The following SIRT3 variants were observed in gnomAD, a reference collection of about 807,000 sequenced individuals.
The protein encoded by SIRT3 is sirtuin 3.
In SIRT3, 26 loss-of-function variants were observed where a neutral mutation model predicts 33.5. That is an observed-to-expected ratio of 0.78 (90% CI 0.57 to 1.08). The LOEUF (loss-of-function observed/expected upper bound fraction) is 1.08, where lower values mean the gene tolerates loss of function less well. SIRT3 is among the 50% of genes least tolerant of loss of function. The probability of loss-of-function intolerance (pLI) is 0.00; values close to 1 mark genes in which losing one functional copy is unlikely to be tolerated. For missense variants in SIRT3, 585 were observed against 530.1 expected (o/e 1.10, Z -1.02); for synonymous variants, 237 against 222.1 (o/e 1.07, Z -0.60).
intron 5 of SIRT3, among the ~76,000 whole-genome samples, chr11:221,973 A>T (rs1200569941): frequency 6.6e-6 from 1 of 152,032 alleles, no homozygotes; most frequent in Non-Finnish European, 1.5e-5. Flanking sequence ...TTTGCTTTAT[A>T]TCTTTATATA....
chr11:232,237 C>A (rs1028579626), intron 3 of SIRT3, among the ~76,000 whole-genome samples: 1 of 152,114 alleles, frequency 6.6e-6, no homozygotes, highest in Admixed American at 6.5e-5. Flanking sequence ...CCTGTCTCAG[C>A]CTCCCGAGTA....
At chr11:229,674 G>A (rs1021651968) in intron 4 of SIRT3, among the ~76,000 whole-genome samples, 4 of 151,856 alleles carry the variant, frequency 2.6e-5, no homozygotes, top group African/African-American at 9.7e-5. Flanking sequence ...CAGGAGAATC[G>A]CTTGAACCCG....
chr11:234,839 C>A (rs73394716), intron 1 of SIRT3, among the ~76,000 whole-genome samples: 9,517 of 152,174 alleles, frequency 0.063, 971 homozygotes, highest in African/African-American at 0.22. Flanking sequence ...AGAATAAGAG[C>A]TCAGTCAGGG....
Position 215,297 on chromosome 11 carries a change from C to T in SIRT3, c.*1401G>A, listed in dbSNP as rs1348243412. Among the ~76,000 whole-genome samples, 1 of 152,106 alleles carries T rather than the reference C, an allele frequency of 6.6e-6. No individual in the cohort carries two copies. Among genetic ancestry groups the T allele is most frequent in the East Asian group, 1.9e-4 (1 of 5,184 alleles). On this transcript the variant is annotated 3_prime_UTR_variant, in exon 7 of 7. Coordinates refer to ENST00000382743, the MANE Select transcript of SIRT3 (RefSeq NM_012239.6). ...ATGTGCTAGGTGTGGTGGGACACAC[C>T]TGTAATCCCAGCTACCCAGGAGAAT...
At chr11:219,864 C>T (rs1216658309) in intron 5 of SIRT3, among the ~76,000 whole-genome samples, 18 of 151,882 alleles carry the variant, frequency 1.2e-4, no homozygotes, top group Admixed American at 1.0e-3. Context: ...ACTATTATCT[C>T]GGTATCTACA....
intron 4 of SIRT3, chr11:226,153 CATCTT>C (rs1857144211): frequency 6.6e-6 from 1 of 152,216 alleles, no homozygotes. Context: ...CCATTAATCT[CATCTT>C]GTCTTTAATC....
rs566216638 is a variant in SIRT3 at position 233,450 on chromosome 11, C to T, written c.366G>A (p.Lys122=). 5.0e-6 allele frequency: 8 copies of T among 1,614,014 alleles called. No individual in the cohort carries two copies. The highest frequency in any genetic ancestry group is 6.8e-6 in the Non-Finnish European group (8 of 1,180,036). The change falls in exon 2 of 7, where the codon AAG becomes AAA. Residue 122 remains lysine (K), a synonymous_variant. Transcript: ENST00000382743. The part of the protein sequence containing the change: ...VGSGGSSDKG[K]LSLQDVAELI... ...GCTCAGCTACATCCTGCAGGGAAAG[C>T]TTCCCCTTGTCACTGCTGCCTCCAC... is the stretch of plus-strand genomic sequence containing the variant.
chr11:221,142 G>A (rs969804975), intron 5 of SIRT3, among the ~76,000 whole-genome samples: 2 of 152,162 alleles, frequency 1.3e-5, no homozygotes, highest in Admixed American at 1.3e-4. Context: ...ACTACAGCAC[G>A]GGATCTCATT....
rs1855669261 is a variant in SIRT3 at position 216,550 on chromosome 11, A to G, written c.*148T>C. On this transcript the variant is annotated 3_prime_UTR_variant, in exon 7 of 7. Transcript: ENST00000382743. ...AGTCACTGCAGCTCATGGCCTGAGAAGACATTCCAGTGGCAGCCTCGGGTG... is the reference window on the plus strand; with the variant it reads ...AGTCACTGCAGCTCATGGCCTGAGAGGACATTCCAGTGGCAGCCTCGGGTG... 1 of 835,934 alleles carries G rather than the reference A, an allele frequency of 1.2e-6. No homozygotes were observed. The allele number at this position is 835,934 out of a possible 1,614,324, so 51.8% of individuals were successfully genotyped here. A position where few individuals can be genotyped will look rare whatever the true frequency, so the allele number is the denominator to read the frequency against.
chr11:233,284 G>T, intron 2 of SIRT3, 59 bp downstream of exon 2: 1 of 1,600,132 alleles, frequency 6.2e-7, no homozygotes, highest in South Asian at 1.1e-5. Flanking sequence ...ACTGGGCAGT[G>T]GGGAGGGCAG....
At position 236,176 on chromosome 11, in the gene SIRT3, T is replaced by A; in HGVS notation, c.153A>T (p.Arg51Ser). 1 of 1,564,518 alleles carries A rather than the reference T, an allele frequency of 6.4e-7. No homozygotes were observed. The highest frequency in any genetic ancestry group is 1.2e-5 in the South Asian group (1 of 85,476). ...GCTCACCGCGGGCCCCATGGCTGCC[T>A]CTCAGCCCCGCACTCACATCGTCCC... ...GGRDDVSAGL[R>S]GSHGARGEPL... The change falls in exon 1 of 7, where the codon AGA (arginine) becomes AGT (serine). Residue 51 changes from arginine (R) to serine (S), a missense_variant. Transcript: ENST00000382743.
At position 236,225 on chromosome 11, in the gene SIRT3, C is replaced by A; in HGVS notation, c.104G>T (p.Gly35Val). The stretch of plus-strand genomic sequence containing the variant: ...CCTGCCGCCAAGCACCAGCCGACAG[C>A]CGCAGGCCTGAAACGGCCCCACGCC... ...GGGVGPFQAC[G>V]CRLVLGGRDD... The change falls in exon 1 of 7, where the codon GGC (glycine) becomes GTC (valine). Residue 35 changes from glycine to valine, a missense_variant. Physicochemically the swap from Gly to Val is moderately radical, Grantham distance 109 (BLOSUM62 -3). Coordinates refer to ENST00000382743, the MANE Select transcript of SIRT3 (RefSeq NM_012239.6). 6.4e-7 allele frequency: 1 copy of A among 1,558,712 alleles called. No individual in the cohort carries two copies. The highest frequency in any genetic ancestry group is 8.7e-7 in the Non-Finnish European group (1 of 1,155,532).
At chr11:219,098 T>G (rs919618911) in intron 5 of SIRT3, 57 bp from the exon 6 acceptor site, 4 of 1,533,236 alleles carry the variant, frequency 2.6e-6, no homozygotes, top group Non-Finnish European at 3.5e-6. Flanking sequence ...CTCCTCAGGA[T>G]GTTTCATGCC....
rs371704582 is a variant in SIRT3 at position 218,944 on chromosome 11, C to A, written c.1067G>T (p.Arg356Leu). ...CCCCAGCTGGGCCACGTCCCTGCTG[C>A]GAGGATGCCAAGCCAAGGGCCCCAC... ...DLVGPLAWHP[R>L]SRDVAQLGDV... The change falls in exon 6 of 7, where the codon CGC becomes CTC. Residue 356 changes from arginine to leucine, a missense_variant. Physicochemically the swap from Arg to Leu is moderately radical, Grantham distance 102. Transcript: ENST00000382743. 6 of 1,614,018 alleles carry A rather than the reference C, an allele frequency of 3.7e-6. No homozygotes were observed. The highest frequency in any genetic ancestry group is 1.3e-5 in the African/African-American group (1 of 74,888).
At chr11:234,207 G>A (rs974116026) in intron 1 of SIRT3, among the ~76,000 whole-genome samples, 2 of 152,206 alleles carry the variant, frequency 1.3e-5, no homozygotes, top group African/African-American at 4.8e-5. Flanking sequence ...ATGCTGCATG[G>A]TGTGAAATTC....
chr11:229,396 G>T (rs988829958), intron 4 of SIRT3, among the ~76,000 whole-genome samples: 1 of 151,682 alleles, frequency 6.6e-6, no homozygotes, highest in African/African-American at 2.4e-5. Flanking sequence ...AGTGAGCCGA[G>T]ATTGCGCCAC....
rs202005679 is a variant in SIRT3, at chr11:215,520, A to G, written c.*1178T>C. ...TGTTCTTATTAAGGCGCAAAGTCAC[A>G]GGACCCCCTTCCTGGGAGTCACTGT... On this transcript the variant is annotated 3_prime_UTR_variant, in exon 7 of 7. Coordinates refer to ENST00000382743, the MANE Select transcript of SIRT3 (RefSeq NM_012239.6). The G allele has an allele frequency of 2.0e-5, 3 of 152,234 alleles. No individual in the cohort carries two copies. The highest frequency in any genetic ancestry group is 1.5e-5 in the Non-Finnish European group (1 of 68,042). 9.4% of individuals were successfully genotyped at this position (152,234 alleles called of 1,614,324 possible). A position where few individuals can be genotyped will look rare whatever the true frequency, so the allele number is the denominator to read the frequency against.
chr11:216,690 CCAT>C lies in SIRT3; in HGVS notation c.*5_*7del, dbSNP rs1443431368. 6.2e-7 allele frequency: 1 copy of C among 1,613,974 alleles called. No individual in the cohort carries two copies. Among genetic ancestry groups the C allele is most frequent in the African/African-American group, 1.3e-5 (1 of 75,060 alleles). ...GTTACCATTTATTGTGTGGGGGCAG[CCAT>C]CATCCTATTTGTCTGGTCCATCAAG... is the stretch of plus-strand genomic sequence containing the variant. On this transcript the variant is annotated 3_prime_UTR_variant, in exon 7 of 7. Transcript: ENST00000382743.
At chr11:220,243 T>C (rs10902106) in intron 5 of SIRT3, among the ~76,000 whole-genome samples, 94,410 of 149,226 alleles carry the variant, frequency 0.63, 31,095 homozygotes, top group African/African-American at 0.83. Context: ...GGCAGGAGAA[T>C]GGCTTGAGCC....
Sources: gnomAD v4.1 joint callset for allele counts (sites outside exome capture counted in the v4.1 genomes callset) on GRCh38, gnomAD v4.1.1 for gene constraint, MANE v1.5 for transcripts, NCBI Gene and HGNC (gene_info 2026-07-23, HGNC 2026-07-21) for gene names.